The following DCUN1D4 variants were observed in gnomAD, a reference collection of about 807,000 sequenced individuals.
The protein encoded by DCUN1D4 is defective in cullin neddylation 1 domain containing 4, also known as DCN1-like protein 4.
In DCUN1D4, 22 loss-of-function variants were observed where a neutral mutation model predicts 47.9. The ratio of observed to expected loss-of-function variants is 0.46; its 90% confidence interval spans 0.33 to 0.66. The LOEUF (loss-of-function observed/expected upper bound fraction) is 0.66, where lower values mean the gene tolerates loss of function less well. DCUN1D4 is among the 30% of genes least tolerant of loss of function. The probability of loss-of-function intolerance (pLI) is 0.02; values close to 1 mark genes in which losing one functional copy is unlikely to be tolerated. For missense variants in DCUN1D4, 301 were observed against 340.8 expected, an observed-to-expected ratio of 0.88 and a Z score of 0.92; for synonymous variants, 121 against 112.2, an observed-to-expected ratio of 1.08 and a Z score of -0.50.
At chr4:51,860,607 A>G (rs993488061) in intron 1 of DCUN1D4, 5 of 455,502 alleles carry the variant, frequency 1.1e-5, no homozygotes, top group Admixed American at 9.4e-5. Flanking sequence ...TCGTGGAGGA[A>G]GGTGAATGGA....
At chr4:51,877,412 TAATA>T (rs909855607) in intron 4 of DCUN1D4, 3 of 160,438 alleles carry the variant, frequency 1.9e-5, no homozygotes, top group Admixed American at 1.3e-4. Context: ...TAGGCTACAT[TAATA>T]AATGTAGGCA....
chr4:51,882,519 G>A (rs1169183779), intron 5 of DCUN1D4, among the ~76,000 whole-genome samples: 2 of 152,152 alleles, frequency 1.3e-5, no homozygotes, highest in African/African-American at 4.8e-5. Flanking sequence ...TATAATCTCA[G>A]CACTTGGGGA....
intron 1 of DCUN1D4, among the ~76,000 whole-genome samples, chr4:51,846,648 C>T (rs958901993): frequency 3.9e-5 from 6 of 152,184 alleles, no homozygotes; most frequent in African/African-American, 1.2e-4. Flanking sequence ...GAGAAACTGA[C>T]CTCATGATGA....
intron 1 of DCUN1D4, among the ~76,000 whole-genome samples, chr4:51,859,514 G>A (rs986174980): frequency 6.6e-6 from 1 of 151,628 alleles, no homozygotes; most frequent in African/African-American, 2.4e-5. Flanking sequence ...TAATGTTTAT[G>A]TCTCCCCCTG....
chr4:51,903,369 G>A (rs1054214395), intron 8 of DCUN1D4, among the ~76,000 whole-genome samples: 4 of 151,990 alleles, frequency 2.6e-5, no homozygotes, highest in Non-Finnish European at 5.9e-5. Flanking sequence ...TATAAATCTG[G>A]TGTCATTCTC....
chr4:51,876,519 T>C (rs1425797552), intron 4 of DCUN1D4, among the ~76,000 whole-genome samples: 1 of 152,052 alleles, frequency 6.6e-6, no homozygotes, highest in East Asian at 1.9e-4. Flanking sequence ...CGTATACATA[T>C]GTAACAAACC....
At chr4:51,834,421 G>C in the DCUN1D4 span, among the ~76,000 whole-genome samples, 187 of 151,954 alleles carry the variant, frequency 1.2e-3, no homozygotes, top group Non-Finnish European at 2.4e-3. Flanking sequence ...AGGGAAGAAA[G>C]AAGCATCTCC....
chr4:51,839,850 A>T (rs1721588216), upstream of DCUN1D4, among the ~76,000 whole-genome samples: 1 of 152,212 alleles, frequency 6.6e-6, no homozygotes, highest in Non-Finnish European at 1.5e-5. Context: ...AGCATGCTAC[A>T]GTGGGCTTAG....
intron 9 of DCUN1D4, among the ~76,000 whole-genome samples, chr4:51,912,018 T>G (rs907798001): frequency 2.0e-5 from 3 of 152,180 alleles, no homozygotes; most frequent in Non-Finnish European, 2.9e-5. Flanking sequence ...CCAGAATATT[T>G]TTAATATCTG....
intron 1 of DCUN1D4, among the ~76,000 whole-genome samples, chr4:51,857,930 G>A (rs780411391): frequency 2.6e-5 from 4 of 152,070 alleles, no homozygotes; most frequent in East Asian, 1.9e-4. Context: ...TTAATATTAC[G>A]GGATACAGCA....
chr4:51,897,063 CAGAG>C (rs1731382473), intron 7 of DCUN1D4, among the ~76,000 whole-genome samples: 1 of 152,176 alleles, frequency 6.6e-6, no homozygotes, highest in Admixed American at 6.5e-5. Flanking sequence ...TCCTAATAGA[CAGAG>C]AGCCTTTCCC....
chr4:51,866,912 C>T (rs560242161), intron 3 of DCUN1D4, among the ~76,000 whole-genome samples: 7 of 152,292 alleles, frequency 4.6e-5, no homozygotes, highest in Non-Finnish European at 1.0e-4. Flanking sequence ...TTGCCTGTGT[C>T]TGCTGGGCTC....
upstream of DCUN1D4, among the ~76,000 whole-genome samples, chr4:51,842,489 G>T (rs375716080): frequency 2.6e-5 from 4 of 152,238 alleles, no homozygotes; most frequent in Non-Finnish European, 5.9e-5. Context: ...ATGGATCTTC[G>T]TAGGAGAAAT....
intron 8 of DCUN1D4, chr4:51,909,052 A>C: frequency 2.2e-6 from 1 of 453,440 alleles, no homozygotes; most frequent in Non-Finnish European, 4.5e-6. Context: ...ACTGCCAAAC[A>C]TATGCATTGA....
chr4:51,891,874 G>A (rs370174615), intron 7 of DCUN1D4, 23 bp downstream of exon 7: 1 of 1,564,678 alleles, frequency 6.4e-7, no homozygotes, highest in African/African-American at 1.4e-5. Flanking sequence ...CTGCACTAGT[G>A]GGGGTCCCTG....
At position 51,888,633 on chromosome 4, in the gene DCUN1D4, C is replaced by T. The variant is rs766343262; in HGVS notation, c.414+1995C>T. ...ACTTAGGAGGTTGAGGCAGGAGAAT[C>T]GCTTGAACCCAGGAGGTGGAGGTTG... On this transcript the variant is annotated intron_variant, in intron 6 of 10. Transcript: ENST00000334635. Among the ~76,000 whole-genome samples the T allele has an allele frequency of 7.9e-5, 12 of 151,244 alleles. No homozygotes were observed. The East Asian group carries it at 1.2e-3, about 15-fold the overall frequency.
the DCUN1D4 span, among the ~76,000 whole-genome samples, chr4:51,834,096 C>CTTTTTTTTTTT: frequency 4.6e-5 from 2 of 43,582 alleles, no homozygotes; most frequent in African/African-American, 2.1e-4. Context: ...CTTTTCTTTT[C>CTTTTTTTTTTT]TTCTTTCTTT....
intron 8 of DCUN1D4, among the ~76,000 whole-genome samples, chr4:51,902,501 T>C (rs1326420281): frequency 2.0e-5 from 3 of 152,148 alleles, no homozygotes; most frequent in East Asian, 3.8e-4. Flanking sequence ...AATGTCTCTC[T>C]TTATCTCTAG....
At position 51,885,313 on chromosome 4, in the gene DCUN1D4, C is replaced by G. The variant is rs530771814; in HGVS notation, c.344-1255C>G. Among the ~76,000 whole-genome samples, 14 of 151,972 alleles carry G rather than the reference C, an allele frequency of 9.2e-5. No individual in the cohort carries two copies. In the South Asian group the frequency reaches 2.3e-3, roughly 25 times the overall value. On this transcript the variant is annotated intron_variant, in intron 5 of 10. Coordinates refer to ENST00000334635, the MANE Select transcript of DCUN1D4 (RefSeq NM_001040402.3). ...GAAAGAGCATGGTGCAGGAGAGGCA[C>G]AATTAAGAAATAATTAGAAGGTAAA... is the stretch of plus-strand genomic sequence containing the variant.
Sources: gnomAD v4.1 joint callset for allele counts (sites outside exome capture counted in the v4.1 genomes callset) on GRCh38, gnomAD v4.1.1 for gene constraint, MANE v1.5 for transcripts, NCBI Gene and HGNC (gene_info 2026-07-23, HGNC 2026-07-21) for gene names.